MGST1: variants seen among roughly 807,000 people sequenced by gnomAD.
MGST1 encodes the protein microsomal glutathione S-transferase 1, also known as glutathione S-transferase 12.
A neutral mutation model predicts 8.9 loss-of-function variants in MGST1; 5 were observed. That is an observed-to-expected ratio of 0.56 (90% CI 0.29 to 1.19). MGST1 has a LOEUF of 1.19. MGST1 is among the 50% of genes most tolerant of loss of function. MGST1 has a pLI of 0.08. For missense variants in MGST1, 182 were observed against 187.4 expected (o/e 0.97, Z 0.17); for synonymous variants, 54 against 67.8 (o/e 0.80, Z 1.00).
chr12:16,399,707 G>T, intron 1 of MGST1: 1 of 1,264,572 alleles, frequency 7.9e-7, no homozygotes, highest in Non-Finnish European at 1.2e-6. Flanking sequence ...CATCAACAAT[G>T]GTCTTTATTG....
chr12:16,556,701 C>A (rs901174239), intron 4 of MGST1, among the ~76,000 whole-genome samples: 1 of 152,158 alleles, frequency 6.6e-6, no homozygotes. Flanking sequence ...CTGGAGGAGA[C>A]TGAAGCAAAC....
At chr12:16,358,224 T>C (rs1418988148) in intron 3 of MGST1, among the ~76,000 whole-genome samples, 2 of 152,164 alleles carry the variant, frequency 1.3e-5, no homozygotes, top group Admixed American at 1.3e-4. Context: ...GACTGGGGTA[T>C]GATTGTTCCT....
At chr12:16,370,063 A>G (rs1252849174) in intron 3 of MGST1, 2 of 152,234 alleles carry the variant, frequency 1.3e-5, no homozygotes, top group Admixed American at 6.5e-5. Flanking sequence ...ATGAGTTTCA[A>G]TTCAGACACA....
At position 16,386,875 on chromosome 12, in the gene MGST1, C is replaced by T. The variant is rs117860401; in HGVS notation, n.778+3271C>T. 1.2e-3 allele frequency among the ~76,000 whole-genome samples: 179 copies of T among 152,266 alleles called. 1 individual carries two copies. The East Asian group carries it at 0.029, about 25-fold the overall frequency. On this transcript the variant is annotated intron_variant and non_coding_transcript_variant, in intron 1 of 1. Coordinates refer to the MGST1 transcript ENST00000359720. ...CCATCCGGCCTGGGATGTGAATTAT[C>T]TTTTTATCAAGCGTCTCTGCACAAT...
At chr12:16,558,601 C>T (rs764575181) in intron 4 of MGST1, among the ~76,000 whole-genome samples, 1 of 152,060 alleles carries the variant, frequency 6.6e-6, no homozygotes, top group Non-Finnish European at 1.5e-5. Context: ...AAATGTTACC[C>T]TAGACTGAAT....
Position 16,401,676 on chromosome 12 carries a change from C to G in MGST1, n.778+18072C>G. ...GAACTTGAGATTATAGTTGCCACCACTCTGAATGATAGGAGGGTAACACAT... is the reference window on the plus strand; with the variant it reads ...GAACTTGAGATTATAGTTGCCACCAGTCTGAATGATAGGAGGGTAACACAT... On this transcript the variant is annotated intron_variant and non_coding_transcript_variant, in intron 1 of 1. Coordinates refer to the MGST1 transcript ENST00000359720. This position sits in a 1 kb window ranked among gnomAD's most constrained non-coding sequence, Gnocchi z 4.3. 6.2e-7 allele frequency: 1 copy of G among 1,603,336 alleles called. No homozygotes were observed. Among genetic ancestry groups the G allele is most frequent in the Non-Finnish European group, 8.5e-7 (1 of 1,170,168 alleles).
At chr12:16,440,272 TACAC>T (rs1184217195), downstream of MGST1, among the ~76,000 whole-genome samples, 1 of 142,790 alleles carries the variant, frequency 7.0e-6, no homozygotes, top group African/African-American at 2.6e-5. Context: ...CACACACACA[TACAC>T]AGTAAAGCGT....
downstream of MGST1, among the ~76,000 whole-genome samples, chr12:16,590,678 G>A (rs2137616903): frequency 6.6e-6 from 1 of 151,958 alleles, no homozygotes; most frequent in South Asian, 2.1e-4. Flanking sequence ...TCTCATAAAT[G>A]CTGTGTTGGC....
chr12:16,589,717 T>A (rs1016435665), downstream of MGST1: 1 of 152,066 alleles, frequency 6.6e-6, no homozygotes, highest in Non-Finnish European at 1.5e-5. This position sits in a 1 kb window ranked among gnomAD's most constrained non-coding sequence, Gnocchi z 4.2. Context: ...AAGATCAAGC[T>A]CAAATTGATC....
chr12:16,515,926 G>C (rs1179166140), intron 4 of MGST1, among the ~76,000 whole-genome samples: 1 of 152,118 alleles, frequency 6.6e-6, no homozygotes, highest in Non-Finnish European at 1.5e-5. Flanking sequence ...CTGGGCTCAG[G>C]CTTCACCCAT....
chr12:16,356,462 G>A (rs1443352224), intron 2 of MGST1, among the ~76,000 whole-genome samples: 1 of 151,824 alleles, frequency 6.6e-6, no homozygotes, highest in Non-Finnish European at 1.5e-5. Context: ...AAAACTGATG[G>A]GCAGTATCCC....
intron 1 of MGST1, among the ~76,000 whole-genome samples, chr12:16,427,819 T>C (rs1940903375): frequency 6.6e-6 from 1 of 152,212 alleles, no homozygotes; most frequent in South Asian, 2.1e-4. Context: ...ATTTTTTTAA[T>C]GTTTTTTCTT....
chr12:16,494,933 CT>C (rs1465640204), intron 4 of MGST1, among the ~76,000 whole-genome samples: 3 of 151,984 alleles, frequency 2.0e-5, no homozygotes, highest in South Asian at 2.1e-4. Context: ...TGTTTATTGC[CT>C]TTTTAAAACC....
chr12:16,375,095 G>T (rs2137029974), intron 3 of MGST1, among the ~76,000 whole-genome samples: 1 of 152,212 alleles, frequency 6.6e-6, no homozygotes, highest in Non-Finnish European at 1.5e-5. Context: ...TACCCAGTCT[G>T]GTCTCAAAAT....
At chr12:16,557,367 A>ATTT (rs68115649) in intron 4 of MGST1, among the ~76,000 whole-genome samples, 4 of 142,716 alleles carry the variant, frequency 2.8e-5, no homozygotes, top group Middle Eastern at 3.4e-3. Flanking sequence ...GGTGGCAAGG[A>ATTT]TTTTTTTTTT....
chr12:16,569,028 A>G (rs1266085402), intron 4 of MGST1, among the ~76,000 whole-genome samples: 2 of 152,198 alleles, frequency 1.3e-5, no homozygotes, highest in Non-Finnish European at 2.9e-5. Flanking sequence ...ATAGATGACA[A>G]TGCCCCACCT....
chr12:16,372,244 C>T (rs770577220), intron 3 of MGST1, among the ~76,000 whole-genome samples: 12 of 151,868 alleles, frequency 7.9e-5, no homozygotes, highest in Non-Finnish European at 1.8e-4. Flanking sequence ...AAGAGACAAC[C>T]TACAAAATGG....
intron 4 of MGST1, among the ~76,000 whole-genome samples, chr12:16,464,921 G>A (rs1941243400): frequency 6.6e-6 from 1 of 152,070 alleles, no homozygotes; most frequent in South Asian, 2.1e-4. Context: ...GCTTTCTATT[G>A]GCTCATGCCT....
chr12:16,412,073 A>G (rs1010045897), intron 1 of MGST1, among the ~76,000 whole-genome samples: 6 of 152,198 alleles, frequency 3.9e-5, no homozygotes, highest in Non-Finnish European at 7.3e-5. Flanking sequence ...TGTGATATAT[A>G]TGGATTTTTA....
Sources: allele counts gnomAD v4.1 joint callset (sites outside exome capture counted in the v4.1 genomes callset), GRCh38; gene constraint gnomAD v4.1.1; non-coding constraint Gnocchi (gnomAD v3.1); transcripts MANE v1.5; gene names NCBI Gene and HGNC (gene_info 2026-07-23, HGNC 2026-07-21).